PTPRU: variants seen among roughly 807,000 people sequenced by gnomAD.
PTPRU encodes the protein receptor-type tyrosine-protein phosphatase U.
A neutral mutation model predicts 166.3 loss-of-function variants in PTPRU; 69 were observed. That is an observed-to-expected ratio of 0.41 (90% CI 0.34 to 0.51). The LOEUF (loss-of-function observed/expected upper bound fraction) is 0.51. Among genes scored for constraint, PTPRU ranks in the 20% least tolerant of loss-of-function variants. The pLI, the probability that PTPRU is intolerant of heterozygous loss-of-function variation, is 0.09. For synonymous variants in PTPRU, 793 were observed against 814.0 expected (o/e 0.97, Z 0.44); for missense variants, 1,657 against 2,013.7 (o/e 0.82, Z 3.39).
chr1:29,260,092 C>T lies in PTPRU; in HGVS notation c.850+48C>T. ...GCGCCGGGACCTCACCCTCGAGGGG[C>T]GGGGCCGGCGACGGGGGCGGGCTCT... On this transcript the variant is annotated intron_variant, in intron 6 of 29. Coordinates refer to ENST00000373779, the MANE Select transcript of PTPRU (RefSeq NM_133178.4). The surrounding 1 kb of genome is among the most constrained non-coding windows in gnomAD (Gnocchi z 8.3). The T allele has an allele frequency of 3.3e-6, 3 of 915,338 alleles. No homozygotes were observed. The highest frequency in any genetic ancestry group is 4.1e-6 in the Non-Finnish European group (3 of 738,520). 56.7% of individuals were successfully genotyped at this position (915,338 alleles called of 1,614,324 possible). A position where few individuals can be genotyped will look rare whatever the true frequency, so the allele number is the denominator to read the frequency against.
chr1:29,317,614 C>G lies in PTPRU; in HGVS notation c.3514-134C>G, dbSNP rs1687957186. Reference sequence around the variant, plus strand: ...AGGGAGTCTGGCTCCGTGCCCTGTACCCTTCTCTCTGGACCTCAGTTTCTC... The same window carrying G: ...AGGGAGTCTGGCTCCGTGCCCTGTAGCCTTCTCTCTGGACCTCAGTTTCTC... On this transcript the variant is annotated intron_variant, in intron 24 of 29. Transcript: ENST00000373779. This position sits in a 1 kb window ranked among gnomAD's most constrained non-coding sequence, Gnocchi z 5.6. 15 of 1,046,952 alleles carry G rather than the reference C, an allele frequency of 1.4e-5. No homozygotes were observed. The highest frequency in any genetic ancestry group is 2.5e-5 in the Admixed American group (1 of 40,286). The allele number at this position is 1,046,952 out of a possible 1,614,324, so 64.9% of individuals were successfully genotyped here. A position where few individuals can be genotyped will look rare whatever the true frequency, so the allele number is the denominator to read the frequency against.
intron 1 of PTPRU, among the ~76,000 whole-genome samples, chr1:29,241,709 C>T (rs1486100553): frequency 4.6e-5 from 7 of 151,496 alleles, no homozygotes; most frequent in African/African-American, 1.7e-4. Flanking sequence ...ATTCTCCTGC[C>T]TCAGCCTCCT....
chr1:29,262,944 A>G (rs1685136938), intron 7 of PTPRU, among the ~76,000 whole-genome samples: 1 of 152,152 alleles, frequency 6.6e-6, no homozygotes, highest in East Asian at 1.9e-4. Context: ...CATATAATAT[A>G]TAATCTTTTG....
At position 29,325,703 on chromosome 1, in the gene PTPRU, G is replaced by T. The variant is rs1290160409; in HGVS notation, c.*42G>T. 6.6e-7 allele frequency: 1 copy of T among 1,520,392 alleles called. No individual in the cohort carries two copies. The highest frequency in any genetic ancestry group is 1.2e-5 in the South Asian group (1 of 81,664). 94.2% of individuals were successfully genotyped at this position (1,520,392 alleles called of 1,614,324 possible). A position where few individuals can be genotyped will look rare whatever the true frequency, so the allele number is the denominator to read the frequency against. On this transcript the variant is annotated 3_prime_UTR_variant, in exon 30 of 30. Transcript: ENST00000373779. ...GGCACCCACTGCACACTCAGGGCCA[G>T]ACCCACCATCCTGGACTGGCGAGGA...
chr1:29,268,941 T>C (rs1430177108), intron 7 of PTPRU, among the ~76,000 whole-genome samples: 1 of 150,866 alleles, frequency 6.6e-6, no homozygotes, highest in Admixed American at 6.6e-5. Context: ...GATTTAGAGA[T>C]TTAGCCACTT....
chr1:29,263,092 C>A (rs1685145526), intron 7 of PTPRU, among the ~76,000 whole-genome samples: 1 of 152,334 alleles, frequency 6.6e-6, no homozygotes, highest in South Asian at 2.1e-4. Context: ...TCAAGGGATT[C>A]TCCTGCCTCA....
At chr1:29,304,906 G>C (rs1052990464) in intron 17 of PTPRU, 57 bp downstream of exon 17, 2 of 1,485,988 alleles carry the variant, frequency 1.3e-6, no homozygotes, top group African/African-American at 2.8e-5. Flanking sequence ...GCATCAGGAG[G>C]GGGAACACAG....
intron 18 of PTPRU, among the ~76,000 whole-genome samples, chr1:29,309,551 GTAA>G (rs1687554207): frequency 6.6e-6 from 1 of 152,158 alleles, no homozygotes; most frequent in South Asian, 2.1e-4. Context: ...AATAGTAGTA[GTAA>G]TAATAATGGC....
chr1:29,302,107 C>T (rs1274501121), intron 15 of PTPRU, among the ~76,000 whole-genome samples: 6 of 149,860 alleles, frequency 4.0e-5, no homozygotes, highest in East Asian at 2.0e-4. Context: ...TGGAAGACAG[C>T]GATACTGATG....
In PTPRU at chr1:29,282,816, C is replaced by T. The variant is rs147046605; in HGVS notation, c.2009C>T (p.Ala670Val). Residue 670 changes from alanine (A) to valine (V), a missense_variant, in exon 12 of 30, where the codon GCG (alanine) becomes GTG (valine). Around this residue, in one of 3 missense-constraint regions of PTPRU, gnomAD observed 1,190 missense variants for 1,477.4 expected, o/e 0.81. Transcript: ENST00000373779. Reference protein sequence around the residue: ...GLVHYFGAELAASSLPEAMPF... With the variant: ...GLVHYFGAELVASSLPEAMPF... ...GTGCACTACTTCGGGGCCGAACTGGCGGCCAGCAGTCTACCTGAGGCCATG... is the reference window on the plus strand; with the variant it reads ...GTGCACTACTTCGGGGCCGAACTGGTGGCCAGCAGTCTACCTGAGGCCATG... 5.9e-5 allele frequency: 95 copies of T among 1,614,160 alleles called. No homozygotes were observed. Among genetic ancestry groups the T allele is most frequent in the Middle Eastern group, 3.3e-4 (2 of 6,060 alleles).
chr1:29,272,573 T>G (rs935250238), intron 7 of PTPRU, among the ~76,000 whole-genome samples: 2 of 152,172 alleles, frequency 1.3e-5, no homozygotes, highest in East Asian at 1.9e-4. Context: ...CTTTGCATCT[T>G]CTTCATAAGG....
intron 15 of PTPRU, among the ~76,000 whole-genome samples, chr1:29,292,612 T>C (rs969448700): frequency 6.6e-6 from 1 of 152,044 alleles, no homozygotes; most frequent in Non-Finnish European, 1.5e-5. Context: ...TGTCATAACT[T>C]GCTTCATCCC....
At chr1:29,244,693 T>C (rs1684213241) in intron 1 of PTPRU, among the ~76,000 whole-genome samples, 2 of 152,132 alleles carry the variant, frequency 1.3e-5, no homozygotes, top group Non-Finnish European at 2.9e-5. Flanking sequence ...GATACTTTGG[T>C]AAGTTACTGA....
chr1:29,240,562 A>G (rs574828105), intron 1 of PTPRU, among the ~76,000 whole-genome samples: 1 of 152,226 alleles, frequency 6.6e-6, no homozygotes, highest in South Asian at 2.1e-4. Flanking sequence ...TTATGTTGTG[A>G]AAAGGCCATG....
chr1:29,270,399 C>T (rs112347766), intron 7 of PTPRU, among the ~76,000 whole-genome samples: 68 of 152,198 alleles, frequency 4.5e-4, no homozygotes, highest in East Asian at 1.4e-3. Flanking sequence ...CTCTACCTCC[C>T]GGGCTGAAGC....
At chr1:29,318,822 C>A (rs1469946235) in intron 25 of PTPRU, among the ~76,000 whole-genome samples, 1 of 152,218 alleles carries the variant, frequency 6.6e-6, no homozygotes, top group Admixed American at 6.5e-5. Context: ...AGCAGCCTCG[C>A]TCATGGGAGG....
chr1:29,277,800 A>ATTTTTT (rs1478190246), intron 8 of PTPRU, among the ~76,000 whole-genome samples: 16 of 41,744 alleles, frequency 3.8e-4, no homozygotes, highest in South Asian at 8.3e-4. Context: ...CACAGTTGTC[A>ATTTTTT]TTCTTTTTTT....
At chr1:29,251,276 C>T (rs1197504649) in intron 1 of PTPRU, among the ~76,000 whole-genome samples, 1 of 151,960 alleles carries the variant, frequency 6.6e-6, no homozygotes, top group African/African-American at 2.4e-5. Flanking sequence ...AAAGGAATCA[C>T]TCTGGATGCG....
In PTPRU at chr1:29,280,156, A is replaced by G; in HGVS notation, c.1868+15A>G. 1.3e-6 allele frequency: 2 copies of G among 1,597,664 alleles called. No homozygotes were observed. Among genetic ancestry groups the G allele is most frequent in the Non-Finnish European group, 1.7e-6 (2 of 1,166,540 alleles). Reference sequence around the variant, plus strand: ...GCGCCCATCAGGTGGGAAAGCGGGGACGGAGGGGTGGGAGTCCAGGGCCTT... The same window carrying G: ...GCGCCCATCAGGTGGGAAAGCGGGGGCGGAGGGGTGGGAGTCCAGGGCCTT... On this transcript the variant is annotated intron_variant, in intron 11 of 29. Coordinates refer to ENST00000373779, the MANE Select transcript of PTPRU (RefSeq NM_133178.4). The surrounding 1 kb of genome is among the most constrained non-coding windows in gnomAD (Gnocchi z 4.2).
Sources: gnomAD v4.1 joint callset for allele counts (sites outside exome capture counted in the v4.1 genomes callset) on GRCh38, gnomAD v4.1.1 for gene constraint, gnomAD v4.1.1 regional missense constraint, Gnocchi (gnomAD v3.1) non-coding constraint, MANE v1.5 for transcripts, NCBI Gene and HGNC (gene_info 2026-07-23, HGNC 2026-07-21) for gene names.